The following HYOU1 variants were observed in gnomAD, a reference collection of about 807,000 sequenced individuals.
HYOU1 encodes hypoxia up-regulated 1.
Under a neutral mutation model 120.5 loss-of-function variants are expected in HYOU1, and 40 were observed. That is an observed-to-expected ratio of 0.33 (90% CI 0.26 to 0.43). The LOEUF is 0.43. HYOU1 is among the 20% of genes least tolerant of loss of function. The pLI is 1.00. For synonymous variants in HYOU1, 501 were observed against 479.4 expected, an observed-to-expected ratio of 1.05 and a Z score of -0.59; for missense variants, 1,085 against 1,278.3, an observed-to-expected ratio of 0.85 and a Z score of 2.31.
In HYOU1 at chr11:119,051,382, C is replaced by T. The variant is rs1944427573; in HGVS notation, c.1526+56G>A. ...CCCTCACCCCCAGTCCTCAGATTAT[C>T]CAGCAGCCACGCCTCCCCCTCCCTG... On this transcript the variant is annotated intron_variant, in intron 13 of 25. Transcript: ENST00000617285. This position sits in a 1 kb window ranked among gnomAD's most constrained non-coding sequence, Gnocchi z 4.2. The T allele has an allele frequency of 2.5e-6, 4 of 1,578,852 alleles. No homozygotes were observed. The highest frequency in any genetic ancestry group is 3.5e-6 in the Non-Finnish European group (4 of 1,153,240).
chr11:119,054,098 C>G, intron 8 of HYOU1, 23 bp downstream of exon 8: 1 of 1,497,514 alleles, frequency 6.7e-7, no homozygotes. Context: ...ACAAGCAGCC[C>G]TCCCTGCCAA....
rs2133605080 is a variant in HYOU1, at chr11:119,054,471, T to C, written c.678+23A>G. 5 of 1,611,822 alleles carry C rather than the reference T, an allele frequency of 3.1e-6. No individual in the cohort carries two copies. The South Asian group carries it at 4.4e-5, about 14-fold the overall frequency. ...CTTAGATTCAGTCACCCTGCATGTC[T>C]GGTCAAGGCTCCCCTGGCTCACCTG... On this transcript the variant is annotated intron_variant, in intron 7 of 25. Coordinates refer to ENST00000617285, the MANE Select transcript of HYOU1 (RefSeq NM_006389.5).
chr11:119,054,225 G>A lies in HYOU1; in HGVS notation c.690C>T (p.Phe230=). ...CGGTGCTGCCTGAGCCCATGTCATA[G>A]AACATGATATTCTGTAGAGATATCA... is the stretch of plus-strand genomic sequence containing the variant. ...DINTTAQNIM[F]YDMGSGSTVC... is the part of the protein sequence containing the mutation. The change falls in exon 8 of 26, where the codon TTC becomes TTT. Residue 230 remains phenylalanine, a synonymous_variant. Coordinates refer to ENST00000617285, the MANE Select transcript of HYOU1 (RefSeq NM_006389.5). 1.2e-6 allele frequency: 2 copies of A among 1,612,644 alleles called. No individual in the cohort carries two copies. Among genetic ancestry groups the A allele is most frequent in the South Asian group, 2.2e-5 (2 of 91,034 alleles).
Position 119,055,848 on chromosome 11 carries a change from A to G in HYOU1, c.92-5T>C. On this transcript the variant is annotated splice_region_variant and splice_polypyrimidine_tract_variant and intron_variant, in intron 2 of 25. Coordinates refer to ENST00000617285, the MANE Select transcript of HYOU1 (RefSeq NM_006389.5). The surrounding 1 kb of genome is among the most constrained non-coding windows in gnomAD (Gnocchi z 4.0). ...CAGACATCACTGCCAGTGTATCTGAAGGGAAAAGAGGTTTGTCAGTTAGCT... is the reference window on the plus strand; with the variant it reads ...CAGACATCACTGCCAGTGTATCTGAGGGGAAAAGAGGTTTGTCAGTTAGCT... The G allele has an allele frequency of 6.2e-7, 1 of 1,612,704 alleles. No homozygotes were observed. Among genetic ancestry groups the G allele is most frequent in the Non-Finnish European group, 8.5e-7 (1 of 1,178,670 alleles).
Position 119,051,641 on chromosome 11 carries a change from A to C in HYOU1, c.1339-16T>G, listed in dbSNP as rs2133586679. On this transcript the variant is annotated splice_polypyrimidine_tract_variant and intron_variant, in intron 12 of 25. Coordinates refer to ENST00000617285, the MANE Select transcript of HYOU1 (RefSeq NM_006389.5). This position sits in a 1 kb window ranked among gnomAD's most constrained non-coding sequence, Gnocchi z 4.2. Reference sequence around the variant, plus strand: ...TGAACTCCACCTACACAGCAGGCAGACAGAGGCACACTGTTGCACACTAGA... The same window carrying C: ...TGAACTCCACCTACACAGCAGGCAGCCAGAGGCACACTGTTGCACACTAGA... 2 of 1,613,918 alleles carry C rather than the reference A, an allele frequency of 1.2e-6. No individual in the cohort carries two copies. Among genetic ancestry groups the C allele is most frequent in the Non-Finnish European group, 1.7e-6 (2 of 1,179,878 alleles).
intron 7 of HYOU1, 97 bp downstream of exon 7, chr11:119,054,397 C>T: frequency 1.5e-6 from 2 of 1,363,922 alleles, no homozygotes; most frequent in Non-Finnish European, 2.1e-6. Flanking sequence ...TGCCAAGGGT[C>T]AGCCCAGCCA....
Position 119,045,568 on chromosome 11 carries a change from T to C in HYOU1, c.*25A>G, listed in dbSNP as rs1426235925. ...AAGTGGTGGGGGAAGGGGGTGGAGA[T>C]GAATGGGGAAAACAGAGGTGGGGGT... On this transcript the variant is annotated 3_prime_UTR_variant, in exon 26 of 26. Transcript: ENST00000617285. 41 of 1,597,024 alleles carry C rather than the reference T, an allele frequency of 2.6e-5. No individual in the cohort carries two copies. Among genetic ancestry groups the C allele is most frequent in the Non-Finnish European group, 3.4e-5 (40 of 1,164,546 alleles).
At position 119,052,876 on chromosome 11, in the gene HYOU1, C is replaced by A. The variant is rs1944530063; in HGVS notation, c.795-47G>T. On this transcript the variant is annotated intron_variant, in intron 8 of 25. Coordinates refer to ENST00000617285, the MANE Select transcript of HYOU1 (RefSeq NM_006389.5). The surrounding 1 kb of genome is among the most constrained non-coding windows in gnomAD (Gnocchi z 5.0). ...GAAAAAAGTGAAGAACACATGGAGT[C>A]CCCGCATCTGCACAGGAGCCTCTCA... 6.5e-7 allele frequency: 1 copy of A among 1,544,272 alleles called. No homozygotes were observed. Among genetic ancestry groups the A allele is most frequent in the South Asian group, 1.2e-5 (1 of 83,818 alleles).
chr11:119,054,319 G>A, intron 7 of HYOU1, 83 bp from the exon 8 acceptor site: 1 of 1,246,408 alleles, frequency 8.0e-7, no homozygotes, highest in Non-Finnish European at 1.2e-6. Context: ...CTTCCAATGG[G>A]CTGTCTGACT....
At chr11:119,056,503 C>T (rs1046718107) in intron 1 of HYOU1, 24 of 410,580 alleles carry the variant, frequency 5.8e-5, no homozygotes, top group Middle Eastern at 4.3e-4. Context: ...TGCCTGTTGT[C>T]AGACACCTGG....
intron 8 of HYOU1, chr11:119,053,620 G>C (rs2133600443): frequency 9.8e-5 from 15 of 152,982 alleles, no homozygotes; most frequent in African/African-American, 3.4e-4. Context: ...ACGTCACTAG[G>C]AACAGGGAGA....
chr11:119,046,508 A>G (rs1414389608), intron 23 of HYOU1, 41 bp from the exon 24 acceptor site: 1 of 1,613,960 alleles, frequency 6.2e-7, no homozygotes, highest in Non-Finnish European at 8.5e-7. Context: ...TCAGGAAGGA[A>G]AGGAGGCTGT....
Position 119,046,574 on chromosome 11 carries a change from T to C in HYOU1, c.2824A>G (p.Ile942Val), listed in dbSNP as rs2133551111. 1.2e-6 allele frequency: 2 copies of C among 1,613,782 alleles called. No homozygotes were observed. Among genetic ancestry groups the C allele is most frequent in the African/African-American group, 2.7e-5 (2 of 75,054 alleles). Residue 942 changes from isoleucine (I) to valine (V), a missense_variant, in exon 23 of 26, where the codon ATC becomes GTC. Transcript: ENST00000617285. ...ASASDQGEKV[I>V]PPAGQTEDAE... is the part of the protein sequence containing the mutation. ...ACCCTGTTCTCACCTGCTGGAGGGA[T>C]GACCTTCTCCCCCTGGTCACTGGCA...
chr11:119,054,022 T>C (rs1305044266), intron 8 of HYOU1, 99 bp downstream of exon 8: 33 of 722,344 alleles, frequency 4.6e-5, no homozygotes, highest in Non-Finnish European at 7.0e-5. Context: ...AGACCATTCC[T>C]GCAGCATGCA....
At chr11:119,054,796 G>A (rs2133608036) in intron 6 of HYOU1, 121 bp from the exon 7 acceptor site, 89 of 1,157,696 alleles carry the variant, frequency 7.7e-5, no homozygotes, top group Non-Finnish European at 1.1e-4. Flanking sequence ...CCTGTGCACT[G>A]TAGGATGTTG....
chr11:119,051,620 C>T lies in HYOU1; in HGVS notation c.1344G>A (p.Glu448=), dbSNP rs2133586408. 1.2e-6 allele frequency: 2 copies of T among 1,613,938 alleles called. No individual in the cohort carries two copies. The highest frequency in any genetic ancestry group is 1.7e-5 in the Admixed American group (1 of 59,978). ...GCTCCTCCTCCACCTCCCTCGTGAA[C>T]TCCACCTACACAGCAGGCAGACAGA... ...RDAVVYPILV[E]FTREVEEEPG... The change falls in exon 13 of 26, where the codon GAG becomes GAA. Residue 448 remains glutamate (E), a synonymous_variant. Transcript: ENST00000617285. The surrounding 1 kb of genome is among the most constrained non-coding windows in gnomAD (Gnocchi z 4.2).
intron 8 of HYOU1, chr11:119,053,069 T>G: frequency 2.2e-6 from 1 of 453,166 alleles, no homozygotes; most frequent in Non-Finnish European, 3.9e-6. Context: ...ACTTATGTAC[T>G]TCCCTCTGGG....
chr11:119,049,597 T>C lies in HYOU1; in HGVS notation c.1765A>G (p.Thr589Ala). Residue 589 changes from threonine to alanine, a missense_variant, in exon 16 of 26, where the codon ACC becomes GCC. This residue lies in a region of HYOU1 where 516 missense variants were observed against 517.1 expected (regional missense o/e 1.00). Transcript: ENST00000617285. ...NTISSLFGGG[T>A]TPDAKENGTD... is the part of the protein sequence containing the mutation. ...CCATTCTCCTTGGCATCTGGTGTGG[T>C]ACCGCCTCCAAACAGGCTGGAAATG... 1.2e-6 allele frequency: 2 copies of C among 1,614,150 alleles called. No individual in the cohort carries two copies. Among genetic ancestry groups the C allele is most frequent in the Non-Finnish European group, 1.7e-6 (2 of 1,180,040 alleles).
intron 8 of HYOU1, 198 bp from the exon 9 acceptor site, chr11:119,053,027 AC>A (rs1163866285): frequency 1.1e-5 from 6 of 545,258 alleles, no homozygotes; most frequent in Admixed American, 3.5e-5. Flanking sequence ...CCCTTCTTCC[AC>A]TCATTCATTC....
Sources: gnomAD v4.1 joint callset for allele counts on GRCh38, gnomAD v4.1.1 for gene constraint, gnomAD v4.1.1 regional missense constraint, Gnocchi (gnomAD v3.1) non-coding constraint, MANE v1.5 for transcripts, NCBI Gene and HGNC (gene_info 2026-07-23, HGNC 2026-07-21) for gene names.